The following HTR2C variants were observed in gnomAD, a reference collection of about 807,000 sequenced individuals.
HTR2C encodes 5-hydroxytryptamine receptor 2C.
HTR2C carries 5 observed loss-of-function variants against 21.0 expected under a neutral mutation model. The observed-to-expected ratio is 0.24, with a 90% CI of 0.12 to 0.50. The LOEUF is 0.50. HTR2C is among the 20% of genes least tolerant of loss of function. The probability of loss-of-function intolerance (pLI) is 0.98; values close to 1 mark genes in which losing one functional copy is unlikely to be tolerated. For synonymous variants in HTR2C, 150 were observed against 145.3 expected (o/e 1.03, Z -0.23); for missense variants, 271 against 371.2 (o/e 0.73, Z 2.22).
chrX:114,649,724 T>G (rs1930485287), intron 2 of HTR2C, among the ~76,000 whole-genome samples: 2 of 111,164 alleles, frequency 1.8e-5, no homozygotes, highest in Admixed American at 1.9e-4. Context: ...CAAGCAATTC[T>G]CCTGGCTCAG....
chrX:114,700,999 G>C (rs782502494), intron 2 of HTR2C, among the ~76,000 whole-genome samples: 2 of 112,434 alleles, frequency 1.8e-5, no homozygotes, highest in South Asian at 7.4e-4. Flanking sequence ...TGGCAGCGAG[G>C]CTGGGGGAGG....
chrX:114,636,279 A>G (rs1401460630), intron 2 of HTR2C, among the ~76,000 whole-genome samples: 3 of 110,876 alleles, frequency 2.7e-5, no homozygotes, highest in Non-Finnish European at 5.7e-5. Flanking sequence ...AGCTGATTCA[A>G]GGCTACAGGC....
At position 114,707,112 on chromosome X, in the gene HTR2C, A is replaced by G. The variant is rs182189125; in HGVS notation, c.-79-19746A>G. 3.6e-3 allele frequency among the ~76,000 whole-genome samples: 403 copies of G among 112,167 alleles called. 2 individuals carry two copies. Among genetic ancestry groups the G allele is most frequent in the African/African-American group, 0.013 (393 of 30,941 alleles). ...GCCAGCCATCTTAACATCAACTGAG[A>G]ACAAAATTCTAAAAACAAATTATTC... On this transcript the variant is annotated intron_variant, in intron 2 of 5. Coordinates refer to ENST00000276198, the MANE Select transcript of HTR2C (RefSeq NM_000868.4).
At chrX:114,623,637 C>T (rs782321809) in intron 2 of HTR2C, among the ~76,000 whole-genome samples, 13 of 111,349 alleles carry the variant, frequency 1.2e-4, no homozygotes, top group Non-Finnish European at 2.4e-4. Flanking sequence ...CAATGTTTGA[C>T]TAGAAAATGA....
intron 2 of HTR2C, among the ~76,000 whole-genome samples, chrX:114,638,624 A>G (rs1382527442): frequency 9.6e-6 from 1 of 103,881 alleles, no homozygotes; most frequent in African/African-American, 3.5e-5. Flanking sequence ...CACTGCACCC[A>G]CTAGCTCGTC....
intron 2 of HTR2C, among the ~76,000 whole-genome samples, chrX:114,617,165 A>C (rs916078468): frequency 8.9e-6 from 1 of 112,424 alleles, no homozygotes; most frequent in South Asian, 3.6e-4. Flanking sequence ...TAGGCTGGGC[A>C]TGGTGGCTCA....
rs199724337 is a variant in HTR2C, at chrX:114,909,392, A to G, written c.*1977A>G. 1.8e-5 allele frequency: 2 copies of G among 112,353 alleles called. No homozygotes were observed. Among genetic ancestry groups the G allele is most frequent in the Non-Finnish European group, 3.8e-5 (2 of 53,201 alleles). 9.3% of individuals were successfully genotyped at this position (112,353 alleles called of 1,213,427 possible). A position where few individuals can be genotyped will look rare whatever the true frequency, so the allele number is the denominator to read the frequency against. ...ATGTTGCATGAATCCATCGATTTGT[A>G]TTAATGTAGGGCAGAATAGCTGATA... is the stretch of plus-strand genomic sequence containing the variant. On this transcript the variant is annotated 3_prime_UTR_variant, in exon 6 of 6. Transcript: ENST00000276198.
intron 2 of HTR2C, among the ~76,000 whole-genome samples, chrX:114,639,848 T>G (rs1366667195): frequency 1.8e-5 from 2 of 111,517 alleles, no homozygotes; most frequent in Admixed American, 9.6e-5. Flanking sequence ...CCTGGAAAAT[T>G]TTTGTAAAAG....
At chrX:114,622,888 A>G (rs1929220747) in intron 2 of HTR2C, among the ~76,000 whole-genome samples, 1 of 112,167 alleles carries the variant, frequency 8.9e-6, no homozygotes, top group African/African-American at 3.2e-5. Flanking sequence ...ACAATTACCT[A>G]CAAGTTTTGG....
intron 4 of HTR2C, among the ~76,000 whole-genome samples, chrX:114,742,703 C>T (rs2069660244): frequency 1.1e-5 from 1 of 92,197 alleles, no homozygotes; most frequent in African/African-American, 3.9e-5. Flanking sequence ...GCTTCTAAAG[C>T]AGCTACTGTT....
chrX:114,606,919 C>T lies in HTR2C; in HGVS notation c.-146-6896C>T, dbSNP rs782362750. Among the ~76,000 whole-genome samples, 40 of 108,101 alleles carry T rather than the reference C, an allele frequency of 3.7e-4. 1 individual carries two copies. The South Asian group carries it at 0.015, about 41-fold the overall frequency. 93.9% of individuals were successfully genotyped at this position (108,101 alleles called of 115,157 possible). A position where few individuals can be genotyped will look rare whatever the true frequency, so the allele number is the denominator to read the frequency against. Reference sequence around the variant, plus strand: ...CAGTGAAGGGAGATGAGGGTGGGGCCGTTTTATAGGATTTGGGTAGGTAAA... The same window carrying T: ...CAGTGAAGGGAGATGAGGGTGGGGCTGTTTTATAGGATTTGGGTAGGTAAA... On this transcript the variant is annotated intron_variant, in intron 1 of 5. Coordinates refer to ENST00000276198, the MANE Select transcript of HTR2C (RefSeq NM_000868.4).
At chrX:114,804,289 G>A (rs1203979933) in intron 4 of HTR2C, among the ~76,000 whole-genome samples, 1 of 111,450 alleles carries the variant, frequency 9.0e-6, no homozygotes, top group African/African-American at 3.3e-5. Flanking sequence ...GTACAATGCC[G>A]AACTAACAGC....
chrX:114,673,469 C>T (rs1297885110), intron 2 of HTR2C, among the ~76,000 whole-genome samples: 7 of 111,114 alleles, frequency 6.3e-5, no homozygotes, highest in African/African-American at 9.8e-5. Flanking sequence ...TCTCTCTTCT[C>T]GGGATCTTCA....
At chrX:114,710,553 A>G (rs782025951) in intron 2 of HTR2C, among the ~76,000 whole-genome samples, 18 of 111,810 alleles carry the variant, frequency 1.6e-4, no homozygotes, top group Admixed American at 1.1e-3. Flanking sequence ...CTGGCATTGC[A>G]TTGTTTTCAT....
intron 1 of HTR2C, among the ~76,000 whole-genome samples, chrX:114,611,147 T>C (rs963351703): frequency 1.8e-5 from 2 of 111,886 alleles, no homozygotes; most frequent in East Asian, 5.6e-4. Flanking sequence ...AAATTCTTCG[T>C]GAATAAATGG....
chrX:114,894,966 G>A (rs1405797625), intron 5 of HTR2C, among the ~76,000 whole-genome samples: 1 of 111,178 alleles, frequency 9.0e-6, no homozygotes, highest in Admixed American at 9.6e-5. Flanking sequence ...TGGTCCACTC[G>A]CCTCAGGCTC....
intron 5 of HTR2C, among the ~76,000 whole-genome samples, chrX:114,885,251 A>G (rs2071211980): frequency 8.9e-6 from 1 of 111,905 alleles, no homozygotes; most frequent in Admixed American, 9.5e-5. Flanking sequence ...TTGTATTTTT[A>G]CTGTTCCTTT....
At chrX:114,719,170 T>TA (rs1349884796) in intron 2 of HTR2C, among the ~76,000 whole-genome samples, 7 of 109,029 alleles carry the variant, frequency 6.4e-5, no homozygotes, top group Middle Eastern at 4.8e-3. Flanking sequence ...CAAGTGATTT[T>TA]AAAAAAATTT....
chrX:114,641,024 CT>C (rs1930087217), intron 2 of HTR2C, among the ~76,000 whole-genome samples: 2 of 29,609 alleles, frequency 6.8e-5, no homozygotes, highest in African/African-American at 1.9e-4. Context: ...TCCTTTCTTT[CT>C]TTCTTCCTTT....
Sources: gnomAD v4.1 joint callset for allele counts (sites outside exome capture counted in the v4.1 genomes callset) on GRCh38, gnomAD v4.1.1 for gene constraint, MANE v1.5 for transcripts, NCBI Gene and HGNC (gene_info 2026-07-23, HGNC 2026-07-21) for gene names.